The following ABCC6 variants were observed in gnomAD, a reference collection of about 807,000 sequenced individuals.
ABCC6 encodes ATP binding cassette subfamily C member 6, also known as ATP-binding cassette sub-family C member 6.
A neutral mutation model predicts 169.5 loss-of-function variants in ABCC6; 126 were observed. The ratio of observed to expected loss-of-function variants is 0.74; its 90% CI spans 0.64 to 0.86. The LOEUF is 0.86. Ranked by LOEUF, ABCC6 falls within the 40% of genes least tolerant of loss-of-function variation. The pLI is 0.00. For synonymous variants in ABCC6, 752 were observed against 814.7 expected, an observed-to-expected ratio of 0.92 and a Z score of 1.31; for missense variants, 1,733 against 1,927.2, an observed-to-expected ratio of 0.90 and a Z score of 1.89.
chr16:16,198,020 C>A lies in ABCC6; in HGVS notation c.1338+1G>T, dbSNP rs866852986. 1.9e-6 allele frequency: 3 copies of A among 1,613,942 alleles called. No individual in the cohort carries two copies. Among genetic ancestry groups the A allele is most frequent in the Non-Finnish European group, 2.5e-6 (3 of 1,179,908 alleles). Reference sequence around the variant, plus strand: ...AATCCCGTCTTCCTCCTCTGGCATACCTGCCAGAGATAGACGAAGCAGACC... The same window carrying A: ...AATCCCGTCTTCCTCCTCTGGCATAACTGCCAGAGATAGACGAAGCAGACC... On this transcript the variant is annotated splice_donor_variant, in intron 10 of 30. Coordinates refer to ENST00000205557, the MANE Select transcript of ABCC6 (RefSeq NM_001171.6). LOFTEE classifies it high-confidence loss of function.
chr16:16,216,460 G>C (rs113856737), intron 4 of ABCC6, among the ~76,000 whole-genome samples: 10 of 149,452 alleles, frequency 6.7e-5, no homozygotes, highest in South Asian at 4.3e-4. Flanking sequence ...TTGTCTTTCT[G>C]TGCCTGGCTT....
Position 16,182,784 on chromosome 16 carries a change from C to G in ABCC6, c.2070+20G>C, listed in dbSNP as rs202226389. On this transcript the variant is annotated intron_variant, in intron 16 of 30. Coordinates refer to ENST00000205557, the MANE Select transcript of ABCC6 (RefSeq NM_001171.6). ...TTCAGGATGGGGACATCCTAGCAGA[C>G]AGGCTGGGGGTGGCCTCACCTCGAT... The G allele has an allele frequency of 7.2e-5, 117 of 1,613,806 alleles. No homozygotes were observed. Among genetic ancestry groups the G allele is most frequent in the Non-Finnish European group, 9.7e-5 (114 of 1,179,878 alleles).
chr16:16,154,263 C>CAAAAA (rs569078423), intron 29 of ABCC6, among the ~76,000 whole-genome samples: 7 of 146,132 alleles, frequency 4.8e-5, no homozygotes, highest in African/African-American at 1.7e-4. Flanking sequence ...TGACATTTAC[C>CAAAAA]AAAAAAAAAA....
At chr16:16,163,237 TAGAG>T (rs1053389911) in intron 23 of ABCC6, 45 bp from the exon 24 acceptor site, 2 of 1,581,106 alleles carry the variant, frequency 1.3e-6, no homozygotes, top group South Asian at 2.2e-5. Flanking sequence ...GCCACAGACA[TAGAG>T]AGGTAGTTTC....
chr16:16,154,036 G>A (rs779365516), intron 29 of ABCC6, among the ~76,000 whole-genome samples: 3 of 151,454 alleles, frequency 2.0e-5, no homozygotes, highest in East Asian at 1.9e-4. Context: ...TGCAACCTTC[G>A]CCTCCCTGGC....
intron 4 of ABCC6, among the ~76,000 whole-genome samples, chr16:16,219,276 C>T (rs568776877): frequency 1.2e-3 from 178 of 150,700 alleles, no homozygotes; most frequent in African/African-American, 3.8e-3. Flanking sequence ...TGTACTTGTG[C>T]GATGTATGAA....
At position 16,193,096 on chromosome 16, in the gene ABCC6, C is replaced by T. The variant is rs552246836; in HGVS notation, c.1339-174G>A. ...TAAGTCACAGGATGAGATAGGAGGT[C>T]GGCACAAGATACAGGTCACAAAGAC... On this transcript the variant is annotated intron_variant, in intron 10 of 30. Coordinates refer to ENST00000205557, the MANE Select transcript of ABCC6 (RefSeq NM_001171.6). Among the ~76,000 whole-genome samples the T allele has an allele frequency of 4.6e-5, 7 of 152,184 alleles. No homozygotes were observed. In the East Asian group the frequency reaches 1.4e-3, roughly 29 times the overall value.
In ABCC6 at chr16:16,154,840, C is replaced by T. The variant is rs766760351; in HGVS notation, c.4041+33G>A. On this transcript the variant is annotated intron_variant, in intron 28 of 30. Transcript: ENST00000205557. The stretch of plus-strand genomic sequence containing the variant: ...GTCAGAGCCGGGTCCCACCATGCCT[C>T]CCATCTTTGCCCACCCCCTCCACCA... The T allele has an allele frequency of 6.8e-6, 11 of 1,610,450 alleles. No individual in the cohort carries two copies. The South Asian group carries it at 1.0e-4, about 15-fold the overall frequency.
intron 22 of ABCC6, 120 bp from the exon 23 acceptor site, chr16:16,166,053 A>G (rs2046864753): frequency 1.0e-6 from 1 of 1,001,226 alleles, no homozygotes; most frequent in African/African-American, 1.6e-5. Context: ...GGCCACCCTG[A>G]TTATTATATT....
chr16:16,203,273 G>A (rs575043030), intron 8 of ABCC6, 137 bp downstream of exon 8: 98 of 1,473,092 alleles, frequency 6.7e-5, no homozygotes, highest in Admixed American at 6.1e-4. Context: ...CTTCCTCAGT[G>A]TCCTTCTCAC....
At chr16:16,221,880 C>G (rs746642507) in intron 1 of ABCC6, 49 bp from the exon 2 acceptor site, 1 of 1,612,016 alleles carries the variant, frequency 6.2e-7, no homozygotes, top group East Asian at 2.2e-5. Context: ...GCAGGGGTCC[C>G]CAGCTCACCT....
At chr16:16,187,878 CAG>C (rs1373756733) in intron 13 of ABCC6, among the ~76,000 whole-genome samples, 2 of 150,826 alleles carry the variant, frequency 1.3e-5, no homozygotes, top group Non-Finnish European at 2.9e-5. Flanking sequence ...GCCTGGGTGA[CAG>C]AGTGAGACAC....
chr16:16,170,618 C>G (rs1468850728), intron 21 of ABCC6, among the ~76,000 whole-genome samples: 1 of 152,044 alleles, frequency 6.6e-6, no homozygotes, highest in East Asian at 1.9e-4. Flanking sequence ...CCATGGCTAT[C>G]TCTTGCTCTT....
intron 19 of ABCC6, among the ~76,000 whole-genome samples, chr16:16,177,189 C>T (rs888275819): frequency 2.0e-5 from 3 of 152,252 alleles, no homozygotes; most frequent in Non-Finnish European, 2.9e-5. Context: ...AATAACTTCA[C>T]ATGCCTCTGG....
intron 27 of ABCC6, 71 bp downstream of exon 27, chr16:16,157,592 G>A: frequency 1.9e-6 from 3 of 1,600,058 alleles, no homozygotes; most frequent in Admixed American, 1.7e-5. Context: ...GGTGCCCAGG[G>A]TTTAGGGCCT....
At chr16:16,151,071 CTT>C (rs535584833) in intron 29 of ABCC6, among the ~76,000 whole-genome samples, 1 of 146,680 alleles carries the variant, frequency 6.8e-6, no homozygotes, top group Admixed American at 6.8e-5. Flanking sequence ...CTTCGTTTTT[CTT>C]TTTTTTTTTG....
At chr16:16,220,269 TCA>T (rs987532853) in intron 2 of ABCC6, 3 of 338,782 alleles carry the variant, frequency 8.9e-6, no homozygotes, top group African/African-American at 6.3e-5. Context: ...TGAAATGTAC[TCA>T]CCAGGTAAAA....
At position 16,169,807 on chromosome 16, in the gene ABCC6, G is replaced by A. The variant is rs1375496546; in HGVS notation, c.2834C>T (p.Pro945Leu). Residue 945 changes from proline (P) to leucine (L), a missense_variant, in exon 22 of 31, where the codon CCC becomes CTC. This residue lies in a region of ABCC6 where 1,601 missense variants were observed against 1,635.5 expected (regional missense o/e 0.98). Coordinates refer to ENST00000205557, the MANE Select transcript of ABCC6 (RefSeq NM_001171.6). ...GAGGAAGAGTGCGTAGAGGCAGAGG[G>A]GGGTGCCCACGGCACGCAGGTAGGC... ...HLAYLRAVGTPLCLYALFLFL... is the reference protein window; with the variant it reads ...HLAYLRAVGTLLCLYALFLFL... 8.3e-6 allele frequency: 13 copies of A among 1,570,884 alleles called. No homozygotes were observed. The South Asian group carries it at 1.4e-4, about 17-fold the overall frequency.
At chr16:16,176,487 G>A (rs1424167432) in intron 19 of ABCC6, among the ~76,000 whole-genome samples, 1 of 152,202 alleles carries the variant, frequency 6.6e-6, no homozygotes, top group Non-Finnish European at 1.5e-5. Context: ...GATTTGGGGG[G>A]CTATTTGTTA....
Sources: gnomAD v4.1 joint callset for allele counts (sites outside exome capture counted in the v4.1 genomes callset) on GRCh38, gnomAD v4.1.1 for gene constraint, gnomAD v4.1.1 regional missense constraint, MANE v1.5 for transcripts, NCBI Gene and HGNC (gene_info 2026-07-23, HGNC 2026-07-21) for gene names.